The following LIG1 variants were observed in gnomAD, a reference collection of about 807,000 sequenced individuals.
The protein encoded by LIG1 is ligase I, DNA, ATP-dependent.
A neutral mutation model predicts 115.7 loss-of-function variants in LIG1; 70 were observed. The observed-to-expected ratio is 0.60, with a 90% CI of 0.50 to 0.74. LIG1 has a LOEUF of 0.74. Among genes scored for constraint, LIG1 ranks in the 30% least tolerant of loss-of-function variants. The pLI is 0.00. For synonymous variants in LIG1, 487 were observed against 495.3 expected (o/e 0.98, Z 0.22); for missense variants, 1,115 against 1,225.6 (o/e 0.91, Z 1.35).
At chr19:48,150,825 G>C (rs868087168) in intron 7 of LIG1, among the ~76,000 whole-genome samples, 2 of 151,790 alleles carry the variant, frequency 1.3e-5, no homozygotes, top group African/African-American at 4.8e-5. Flanking sequence ...AGCCTCCCAA[G>C]TAGCTGGAAC....
chr19:48,123,543 A>G lies in LIG1; in HGVS notation c.2005-225T>C, dbSNP rs2033448412. 5.1e-6 allele frequency: 3 copies of G among 592,308 alleles called. No homozygotes were observed. In the South Asian group the frequency reaches 6.0e-5, roughly 12 times the overall value. 36.7% of individuals were successfully genotyped at this position (592,308 alleles called of 1,614,324 possible). On this transcript the variant is annotated intron_variant, in intron 21 of 27. Transcript: ENST00000263274. ...GACACCATTTAGAGTCGGTGACTTC[A>G]GGAGCATCAGACGGGGGGCTGCGGC...
In LIG1 at chr19:48,117,629, G is replaced by A. The variant is rs2032947040; in HGVS notation, c.2583+9C>T. 1.9e-6 allele frequency: 3 copies of A among 1,611,772 alleles called. No homozygotes were observed. The highest frequency in any genetic ancestry group is 2.7e-5 in the African/African-American group (2 of 75,030). On this transcript the variant is annotated intron_variant, in intron 26 of 27. Coordinates refer to ENST00000263274, the MANE Select transcript of LIG1 (RefSeq NM_000234.3). Reference sequence around the variant, plus strand: ...ACACAGGGCCACGGCCAGGTCCTCTGCCACTCACCAGGCCCCGCGCAGCAG... The same window carrying A: ...ACACAGGGCCACGGCCAGGTCCTCTACCACTCACCAGGCCCCGCGCAGCAG...
rs900838413 is a variant in LIG1 at position 48,123,392 on chromosome 19, C to T, written c.2005-74G>A. The T allele has an allele frequency of 2.8e-5, 44 of 1,549,970 alleles. 1 individual carries two copies. In the South Asian group the frequency reaches 3.9e-4, roughly 14 times the overall value. On this transcript the variant is annotated intron_variant, in intron 21 of 27. Transcript: ENST00000263274. Reference sequence around the variant, plus strand: ...AAGACAATAAGCCCTAAATGTGAGGCGAACAGGACATGTGCGGGTCACAAC... The same window carrying T: ...AAGACAATAAGCCCTAAATGTGAGGTGAACAGGACATGTGCGGGTCACAAC...
At chr19:48,120,809 T>G in intron 24 of LIG1, 1 of 550,348 alleles carries the variant, frequency 1.8e-6, no homozygotes. Flanking sequence ...AAAAAAAATG[T>G]GGGGACAAAA....
intron 4 of LIG1, among the ~76,000 whole-genome samples, chr19:48,160,938 T>C (rs980595835): frequency 2.6e-5 from 4 of 152,112 alleles, no homozygotes; most frequent in African/African-American, 9.7e-5. Context: ...GGTCTCGCTA[T>C]GTTGCCCAGC....
At chr19:48,158,740 C>T (rs2035999770) in intron 4 of LIG1, among the ~76,000 whole-genome samples, 1 of 152,204 alleles carries the variant, frequency 6.6e-6, no homozygotes, top group Admixed American at 6.5e-5. Context: ...ACGGGGCTTG[C>T]CACGTGGTAC....
intron 4 of LIG1, among the ~76,000 whole-genome samples, chr19:48,160,918 G>A (rs781411469): frequency 2.0e-5 from 3 of 151,856 alleles, no homozygotes; most frequent in Non-Finnish European, 4.4e-5. Context: ...ACATTTTTTT[G>A]TAGAGATGGG....
rs1444902689 is a variant in LIG1 at position 48,143,587 on chromosome 19, C to G, written c.870G>C (p.Leu290=). 3.1e-6 allele frequency: 5 copies of G among 1,611,318 alleles called. No individual in the cohort carries two copies. In the South Asian group the frequency reaches 3.3e-5, roughly 11 times the overall value. ...TCTTCTCAAACGTCCGGGCCACAGC[C>G]AGGTAAGGAACCCTAGGGAAGGAAA... ...CWKPGQKVPY[L]AVARTFEKIE... Residue 290 remains leucine, a synonymous_variant, in exon 11 of 28, where the codon CTG becomes CTC. Coordinates refer to ENST00000263274, the MANE Select transcript of LIG1 (RefSeq NM_000234.3).
At chr19:48,124,112 C>T (rs950880321) in intron 21 of LIG1, among the ~76,000 whole-genome samples, 19 of 152,170 alleles carry the variant, frequency 1.2e-4, no homozygotes, top group African/African-American at 4.1e-4. Flanking sequence ...TCCCCACCCA[C>T]GCGCAGTGTT....
intron 25 of LIG1, 21 bp from the exon 26 acceptor site, chr19:48,117,802 G>GAGGA: frequency 6.2e-7 from 1 of 1,610,430 alleles, no homozygotes; most frequent in Non-Finnish European, 8.5e-7. Context: ...CAGAGGAAGA[G>GAGGA]AGGAACAGAG....
chr19:48,136,925 A>G, intron 14 of LIG1, 83 bp downstream of exon 14: 1 of 1,119,722 alleles, frequency 8.9e-7, no homozygotes, highest in Non-Finnish European at 1.3e-6. Flanking sequence ...GGCATTTGTG[A>G]TGATTCCAGC....
chr19:48,165,784 G>A (rs1349295878), intron 1 of LIG1, 161 bp from the exon 2 acceptor site: 4 of 663,240 alleles, frequency 6.0e-6, no homozygotes, highest in Admixed American at 2.6e-5. Context: ...TAATTTGCTG[G>A]TGAGATTTAC....
chr19:48,169,164 A>G (rs1435836613), intron 1 of LIG1, among the ~76,000 whole-genome samples: 1 of 152,218 alleles, frequency 6.6e-6, no homozygotes, highest in Non-Finnish European at 1.5e-5. Flanking sequence ...TGACAAAACT[A>G]GAGATGGTGA....
At chr19:48,165,909 T>C (rs1009366462) in intron 1 of LIG1, among the ~76,000 whole-genome samples, 13 of 152,170 alleles carry the variant, frequency 8.5e-5, no homozygotes, top group African/African-American at 3.1e-4. Flanking sequence ...ATGGGTTTTT[T>C]TGGAGTTAAG....
At position 48,115,906 on chromosome 19, in the gene LIG1, G is replaced by A. The variant is rs1343567669; in HGVS notation, c.2643C>T (p.Asp881=). 2 of 1,614,076 alleles carry A rather than the reference G, an allele frequency of 1.2e-6. No individual in the cohort carries two copies. The highest frequency in any genetic ancestry group is 2.2e-5 in the East Asian group (1 of 44,876). ...RFPRFIRVRE[D]KQPEQATTSA... ...TGGTGGTGGCCTGCTCCGGCTGCTT[G>A]TCTTCACGGACTCGAATAAACCGAG... Residue 881 remains aspartate (D), a synonymous_variant, in exon 27 of 28, where the codon GAC becomes GAT. Coordinates refer to ENST00000263274, the MANE Select transcript of LIG1 (RefSeq NM_000234.3).
chr19:48,128,078 A>T lies in LIG1; in HGVS notation c.1822-58T>A. On this transcript the variant is annotated intron_variant, in intron 19 of 27. Transcript: ENST00000263274. ...GAGAGGTGGAAGATGAGGTGGAAAG[A>T]CAAACACGGGGAGATAAATTCCCTT... 3 of 1,327,578 alleles carry T rather than the reference A, an allele frequency of 2.3e-6. No homozygotes were observed. The South Asian group carries it at 3.5e-5, about 16-fold the overall frequency. 82.2% of individuals were successfully genotyped at this position (1,327,578 alleles called of 1,614,324 possible). A position where few individuals can be genotyped will look rare whatever the true frequency, so the allele number is the denominator to read the frequency against.
chr19:48,154,115 C>T (rs553910336), intron 5 of LIG1, 148 bp from the exon 6 acceptor site: 9 of 725,738 alleles, frequency 1.2e-5, no homozygotes, highest in African/African-American at 8.6e-5. Context: ...CAGTGCAGGC[C>T]GCACCCTTCA....
At position 48,143,866 on chromosome 19, in the gene LIG1, A is replaced by G. The variant is rs1293028760; in HGVS notation, c.857+17T>C. ...CAGGGACCGGAGGGGGACAGTCTGA[A>G]AAGGGAGAAACCTCACTTCTGGCCC... On this transcript the variant is annotated intron_variant, in intron 10 of 27. Coordinates refer to ENST00000263274, the MANE Select transcript of LIG1 (RefSeq NM_000234.3). 1.2e-6 allele frequency: 2 copies of G among 1,603,918 alleles called. No homozygotes were observed. Among genetic ancestry groups the G allele is most frequent in the Admixed American group, 3.3e-5 (2 of 59,956 alleles).
At chr19:48,138,935 A>C (rs1377758923) in intron 12 of LIG1, among the ~76,000 whole-genome samples, 1 of 152,076 alleles carries the variant, frequency 6.6e-6, no homozygotes, top group Non-Finnish European at 1.5e-5. Flanking sequence ...TGGCTCCCAT[A>C]AGCCCGTAAC....
Sources: gnomAD v4.1 joint callset for allele counts (sites outside exome capture counted in the v4.1 genomes callset) on GRCh38, gnomAD v4.1.1 for gene constraint, MANE v1.5 for transcripts, NCBI Gene and HGNC (gene_info 2026-07-23, HGNC 2026-07-21) for gene names.